Variants in FGF14 observed in about 807,000 individuals in gnomAD.
FGF14 encodes fibroblast growth factor 14.
Under a neutral mutation model 25.5 loss-of-function variants are expected in FGF14, and 5 were observed. The ratio of observed to expected loss-of-function variants is 0.20; its 90% CI spans 0.10 to 0.41. FGF14 has a LOEUF of 0.41. Among genes scored for constraint, FGF14 ranks in the 10% least tolerant of loss-of-function variants. The probability of loss-of-function intolerance (pLI) is 1.00; values close to 1 mark genes in which losing one functional copy is unlikely to be tolerated. For missense variants in FGF14, 222 were observed against 320.1 expected, an observed-to-expected ratio of 0.69 and a Z score of 2.34; for synonymous variants, 138 against 118.3, an observed-to-expected ratio of 1.17 and a Z score of -1.08.
intron 1 of FGF14, among the ~76,000 whole-genome samples, chr13:102,016,688 A>C (rs951877861): frequency 4.6e-5 from 7 of 152,140 alleles, no homozygotes; most frequent in African/African-American, 1.7e-4. Flanking sequence ...GTTTCACCAC[A>C]CTGCCCAGGA....
chr13:102,384,769 G>A (rs1244601845), intron 1 of FGF14, among the ~76,000 whole-genome samples: 2 of 152,162 alleles, frequency 1.3e-5, no homozygotes, highest in East Asian at 3.8e-4. Flanking sequence ...GATCAACTTG[G>A]AGATCAGCTC....
chr13:101,772,979 G>A (rs1190568580), intron 3 of FGF14, among the ~76,000 whole-genome samples: 1 of 152,042 alleles, frequency 6.6e-6, no homozygotes, highest in African/African-American at 2.4e-5. Context: ...GATAGCAAAT[G>A]GACTATCAGG....
intron 1 of FGF14, among the ~76,000 whole-genome samples, chr13:102,079,867 C>CGA (rs2043535568): frequency 6.6e-6 from 1 of 151,854 alleles, no homozygotes; most frequent in African/African-American, 2.4e-5. Flanking sequence ...TGAGCAAAGA[C>CGA]CTAAAGAATA....
intron 1 of FGF14, among the ~76,000 whole-genome samples, chr13:102,032,890 C>A (rs1466162537): frequency 6.6e-6 from 1 of 152,084 alleles, no homozygotes; most frequent in Non-Finnish European, 1.5e-5. Flanking sequence ...ATTTTATTCC[C>A]AGAGCTTTCT....
At chr13:102,268,573 T>C (rs2141149562) in intron 1 of FGF14, among the ~76,000 whole-genome samples, 1 of 152,200 alleles carries the variant, frequency 6.6e-6, no homozygotes, top group East Asian at 1.9e-4. Context: ...GAGTTTCTAA[T>C]AAAGGAAACT....
At chr13:102,172,308 G>A (rs1014730480) in intron 1 of FGF14, among the ~76,000 whole-genome samples, 4 of 151,926 alleles carry the variant, frequency 2.6e-5, no homozygotes, top group African/African-American at 7.3e-5. Flanking sequence ...ACCTTCCTTC[G>A]ACAATTTTAT....
At chr13:102,135,813 G>A (rs923394795) in intron 1 of FGF14, among the ~76,000 whole-genome samples, 5 of 152,154 alleles carry the variant, frequency 3.3e-5, no homozygotes, top group East Asian at 3.9e-4. Flanking sequence ...GCATCACCAC[G>A]CCCGGCTAAT....
intron 1 of FGF14, among the ~76,000 whole-genome samples, chr13:102,333,800 G>T (rs894067467): frequency 9.2e-5 from 14 of 152,140 alleles, no homozygotes; most frequent in Admixed American, 8.5e-4. Context: ...ATTTGTTATG[G>T]TAATCACCAG....
At chr13:102,113,307 T>C (rs1286319590) in intron 1 of FGF14, among the ~76,000 whole-genome samples, 1 of 152,196 alleles carries the variant, frequency 6.6e-6, no homozygotes, top group Non-Finnish European at 1.5e-5. Flanking sequence ...CCAGGGCTTC[T>C]CTCTTCATCC....
chr13:102,224,497 C>T (rs2050748661), intron 1 of FGF14, among the ~76,000 whole-genome samples: 1 of 152,056 alleles, frequency 6.6e-6, no homozygotes, highest in African/African-American at 2.4e-5. Context: ...TAATAGATCC[C>T]ATTTATCATT....
intron 1 of FGF14, among the ~76,000 whole-genome samples, chr13:102,216,399 G>A (rs1276588578): frequency 1.3e-5 from 2 of 152,176 alleles, no homozygotes; most frequent in Non-Finnish European, 2.9e-5. Context: ...GGTAACATAG[G>A]TAAAGAATCA....
At position 102,292,933 on chromosome 13, in the gene FGF14, G is replaced by A. The variant is rs2054503365; in HGVS notation, c.208+108538C>T. The A allele has an allele frequency of 3.3e-5, 5 of 152,184 alleles. 1 individual carries two copies. Among genetic ancestry groups the A allele is most frequent in the Non-Finnish European group, 7.3e-5 (5 of 68,052 alleles). 9.4% of individuals were successfully genotyped at this position (152,184 alleles called of 1,614,324 possible). ...GGAACCACAGATTTAAAGAGACCTT[G>A]GTATGTATTCATAAGGCTGAAATGA... On this transcript the variant is annotated intron_variant, in intron 1 of 4. Transcript: ENST00000376131.
chr13:102,384,230 A>T (rs976736110), intron 1 of FGF14, among the ~76,000 whole-genome samples: 1 of 152,206 alleles, frequency 6.6e-6, no homozygotes, highest in African/African-American at 2.4e-5. Context: ...TGAGAATATT[A>T]TCTATCATGT....
chr13:101,747,768 C>A (rs1473172082), intron 3 of FGF14, among the ~76,000 whole-genome samples: 1 of 151,840 alleles, frequency 6.6e-6, no homozygotes, highest in African/African-American at 2.4e-5. Context: ...GGAATTCAGA[C>A]AACAACAACA....
chr13:101,930,674 T>C (rs1316471196), intron 1 of FGF14, among the ~76,000 whole-genome samples: 1 of 152,190 alleles, frequency 6.6e-6, no homozygotes, highest in Non-Finnish European at 1.5e-5. Context: ...TCCTTGCATA[T>C]CATTGTAGAT....
intron 1 of FGF14, among the ~76,000 whole-genome samples, chr13:102,122,242 A>C (rs568793772): frequency 6.6e-6 from 1 of 152,370 alleles, no homozygotes; most frequent in East Asian, 1.9e-4. Context: ...TGGTATTTTT[A>C]TACTCAGCCC....
chr13:102,054,109 G>T (rs572391734), intron 1 of FGF14, among the ~76,000 whole-genome samples: 1 of 152,286 alleles, frequency 6.6e-6, no homozygotes, highest in South Asian at 2.1e-4. Flanking sequence ...AGACAAGACA[G>T]AATGGGATAA....
intron 1 of FGF14, among the ~76,000 whole-genome samples, chr13:101,991,343 T>TA (rs969822361): frequency 6.6e-6 from 1 of 152,138 alleles, no homozygotes; most frequent in African/African-American, 2.4e-5. Context: ...AAAACTTCTA[T>TA]AATTGAAATG....
At chr13:102,305,238 C>T (rs1566921768) in intron 1 of FGF14, among the ~76,000 whole-genome samples, 1 of 151,736 alleles carries the variant, frequency 6.6e-6, no homozygotes. Context: ...TCAGTAGAGC[C>T]CTAAATATCA....
Sources: gnomAD v4.1 joint callset for allele counts (sites outside exome capture counted in the v4.1 genomes callset) on GRCh38, gnomAD v4.1.1 for gene constraint, MANE v1.5 for transcripts, NCBI Gene and HGNC (gene_info 2026-07-23, HGNC 2026-07-21) for gene names.